SCML2: variants seen among roughly 807,000 people sequenced by gnomAD.
SCML2 encodes sex comb on midleg-like protein 2.
SCML2 carries 6 observed loss-of-function variants against 48.4 expected under a neutral mutation model. That is an observed-to-expected ratio of 0.12 (90% CI 0.07 to 0.24). SCML2 has a LOEUF of 0.24. Ranked by LOEUF, SCML2 falls within the 10% of genes least tolerant of loss-of-function variation. The pLI, the probability that SCML2 is intolerant of heterozygous loss-of-function variation, is 1.00. For synonymous variants in SCML2, 181 were observed against 189.5 expected, an observed-to-expected ratio of 0.95 and a Z score of 0.37; for missense variants, 377 against 528.2, an observed-to-expected ratio of 0.71 and a Z score of 2.81.
intron 7 of SCML2, among the ~76,000 whole-genome samples, chrX:18,280,029 G>A (rs756981075): frequency 8.1e-5 from 9 of 111,282 alleles, no homozygotes; most frequent in Non-Finnish European, 1.5e-4. Flanking sequence ...CCAGCTAGAC[G>A]GTCAAGACAA....
At chrX:18,316,884 A>G (rs1929138822) in intron 6 of SCML2, among the ~76,000 whole-genome samples, 2 of 112,524 alleles carry the variant, frequency 1.8e-5, no homozygotes, top group Admixed American at 9.4e-5. Flanking sequence ...CACACTCCTT[A>G]GGAGAATCTA....
At chrX:18,341,147 G>A (rs768953940) in intron 1 of SCML2, 3 of 244,147 alleles carry the variant, frequency 1.2e-5, no homozygotes, top group Admixed American at 6.3e-5. Context: ...CAGGGAATGC[G>A]GAAGGGAGCA....
At chrX:18,281,085 C>T (rs932379315) in intron 7 of SCML2, among the ~76,000 whole-genome samples, 6 of 81,062 alleles carry the variant, frequency 7.4e-5, no homozygotes, top group Non-Finnish European at 1.4e-4. Context: ...ATTCTAAAAT[C>T]GACCACACAC....
chrX:18,342,201 T>C (rs1057386550), intron 1 of SCML2, among the ~76,000 whole-genome samples: 1 of 111,791 alleles, frequency 8.9e-6, no homozygotes, highest in Non-Finnish European at 1.9e-5. Context: ...CCTTGATACA[T>C]GGGAGAAAAA....
At chrX:18,318,228 C>T (rs977005385) in intron 6 of SCML2, among the ~76,000 whole-genome samples, 2 of 112,830 alleles carry the variant, frequency 1.8e-5, no homozygotes, top group African/African-American at 6.4e-5. Flanking sequence ...GCAGGTAGGG[C>T]AAGTCCACTT....
intron 6 of SCML2, among the ~76,000 whole-genome samples, chrX:18,312,542 T>G (rs1928985975): frequency 9.0e-6 from 1 of 111,390 alleles, no homozygotes; most frequent in Non-Finnish European, 1.9e-5. Context: ...GGGTTTGTTT[T>G]TTTTTAATAT....
intron 7 of SCML2, among the ~76,000 whole-genome samples, chrX:18,286,438 A>C (rs1469971931): frequency 8.9e-6 from 1 of 112,029 alleles, no homozygotes; most frequent in Non-Finnish European, 1.9e-5. Flanking sequence ...AATAAAACAC[A>C]ATAATCTGCA....
At chrX:18,243,840 G>T (rs1926351507) in intron 13 of SCML2, among the ~76,000 whole-genome samples, 1 of 111,795 alleles carries the variant, frequency 8.9e-6, no homozygotes, top group African/African-American at 3.3e-5. Context: ...TAACTGAAGT[G>T]AATTTTGTAC....
In SCML2 at chrX:18,300,663, C is replaced by T. The variant is rs993345105; in HGVS notation, c.730+4309G>A. 8.2e-5 allele frequency among the ~76,000 whole-genome samples: 9 copies of T among 109,335 alleles called. No homozygotes were observed. In the East Asian group the frequency reaches 1.2e-3, roughly 14 times the overall value. The allele number at this position is 109,335 out of a possible 115,157, so 94.9% of individuals were successfully genotyped here. On this transcript the variant is annotated intron_variant, in intron 7 of 14. Transcript: ENST00000251900. ...AAAATTAGCCGGGTGTTGTGGCAGA[C>T]GCCTATAATCCCAGCTACTCAGAAG...
chrX:18,264,983 T>C (rs1423289385), intron 8 of SCML2, among the ~76,000 whole-genome samples: 1 of 111,797 alleles, frequency 8.9e-6, no homozygotes, highest in Non-Finnish European at 1.9e-5. Flanking sequence ...GCCAGATAAA[T>C]TGTTGTTTTT....
At position 18,239,781 on chromosome X, in the gene SCML2, C is replaced by A. The variant is rs1428310956; in HGVS notation, c.*1470G>T. On this transcript the variant is annotated 3_prime_UTR_variant, in exon 15 of 15. Coordinates refer to ENST00000251900, the MANE Select transcript of SCML2 (RefSeq NM_006089.3). ...CAGCATTTTGCAAGGCCGAGGTGGG[C>A]GGATCACCTGAGGTCAGGAGTTTGA... The A allele has an allele frequency of 9.0e-6, 1 of 111,483 alleles. No homozygotes were observed. Among genetic ancestry groups the A allele is most frequent in the Non-Finnish European group, 1.9e-5 (1 of 53,102 alleles). 9.2% of individuals were successfully genotyped at this position (111,483 alleles called of 1,213,427 possible). A position where few individuals can be genotyped will look rare whatever the true frequency, so the allele number is the denominator to read the frequency against.
chrX:18,292,330 C>G (rs1428578199), intron 7 of SCML2, among the ~76,000 whole-genome samples: 1 of 110,873 alleles, frequency 9.0e-6, no homozygotes, highest in African/African-American at 3.3e-5. Flanking sequence ...GAGAGGTATA[C>G]AAAGACATAT....
chrX:18,350,669 C>T (rs1354990757), intron 1 of SCML2, among the ~76,000 whole-genome samples: 1 of 109,669 alleles, frequency 9.1e-6, no homozygotes, highest in Non-Finnish European at 1.9e-5. Flanking sequence ...TGCTTGAAGC[C>T]AGGAGGCAGA....
chrX:18,279,975 T>A (rs1225165947), intron 7 of SCML2, among the ~76,000 whole-genome samples: 1 of 111,359 alleles, frequency 9.0e-6, no homozygotes, highest in Non-Finnish European at 1.9e-5. Flanking sequence ...TTCCCTAATC[T>A]CACTAAAGAG....
chrX:18,339,061 T>C (rs1017588307), intron 1 of SCML2, among the ~76,000 whole-genome samples: 1 of 111,379 alleles, frequency 9.0e-6, no homozygotes, highest in Non-Finnish European at 1.9e-5. Flanking sequence ...TAGTGAGTTT[T>C]AGCATTAACA....
rs766807943 is a variant in SCML2 at position 18,339,024 on chromosome X, T to C, written c.-24-4929A>G. Among the ~76,000 whole-genome samples the C allele has an allele frequency of 4.5e-5, 5 of 110,373 alleles. No homozygotes were observed. The South Asian group carries it at 2.0e-3, about 44-fold the overall frequency. On this transcript the variant is annotated intron_variant, in intron 1 of 14. Transcript: ENST00000251900. ...AAAGACTGTTCCTTATCCCATTCCA[T>C]CTGTCCTAATGAAAACTTCCTGAAA...
At chrX:18,247,041 G>C (rs895938173) in intron 12 of SCML2, among the ~76,000 whole-genome samples, 1 of 111,446 alleles carries the variant, frequency 9.0e-6, no homozygotes, top group Non-Finnish European at 1.9e-5. Flanking sequence ...TGCCCAGGCT[G>C]GGGTGCAGTG....
At chrX:18,354,478 C>T in intron 1 of SCML2, 114 bp downstream of exon 1, 1 of 230,423 alleles carries the variant, frequency 4.3e-6, no homozygotes, top group Non-Finnish European at 7.9e-6. Flanking sequence ...AGGGGGCGTT[C>T]CTCGCACGGG....
At chrX:18,325,511 CAG>C (rs939277248) in intron 3 of SCML2, among the ~76,000 whole-genome samples, 5 of 111,481 alleles carry the variant, frequency 4.5e-5, no homozygotes, top group Admixed American at 9.6e-5. Flanking sequence ...GATCTCTATT[CAG>C]AGTGTCAAGA....
Sources: allele counts gnomAD v4.1 joint callset (sites outside exome capture counted in the v4.1 genomes callset), GRCh38; gene constraint gnomAD v4.1.1; transcripts MANE v1.5; gene names NCBI Gene and HGNC (gene_info 2026-07-23, HGNC 2026-07-21).